The following NACC2 variants were observed in gnomAD, a reference collection of about 807,000 sequenced individuals.
NACC2 encodes the protein nucleus accumbens-associated protein 2.
Under a neutral mutation model 25.1 loss-of-function variants are expected in NACC2, and 8 were observed. The observed-to-expected ratio is 0.32, with a 90% CI of 0.19 to 0.57. The LOEUF is 0.57. NACC2 is among the 20% of genes least tolerant of loss of function. The pLI is 0.89. For synonymous variants in NACC2, 435 were observed against 294.7 expected, an observed-to-expected ratio of 1.48 and a Z score of -4.88; for missense variants, 644 against 650.2, an observed-to-expected ratio of 0.99 and a Z score of 0.10.
At chr9:136,046,895 A>G (rs1344327436) in intron 2 of NACC2, among the ~76,000 whole-genome samples, 1 of 152,182 alleles carries the variant, frequency 6.6e-6, no homozygotes, top group African/African-American at 2.4e-5. Context: ...ATTTTGACTT[A>G]TTTCAAAAAC....
chr9:136,080,877 C>A (rs1179817606), intron 1 of NACC2, among the ~76,000 whole-genome samples: 1 of 152,202 alleles, frequency 6.6e-6, no homozygotes, highest in Admixed American at 6.5e-5. Flanking sequence ...AGGCCCCCAG[C>A]AGAGCCGCCC....
Position 136,011,210 on chromosome 9 carries a change from G to C in NACC2, c.*306C>G, listed in dbSNP as rs925228571. On this transcript the variant is annotated 3_prime_UTR_variant, in exon 6 of 6. Coordinates refer to ENST00000277554, the MANE Select transcript of NACC2 (RefSeq NM_144653.5). The stretch of plus-strand genomic sequence containing the variant: ...GAAGGGGCAGGGCTGGGCACCAGGG[G>C]CCTGGCGGCCTCCCACCCTCCCCAA... 4 of 217,192 alleles carry C rather than the reference G, an allele frequency of 1.8e-5. No homozygotes were observed. The highest frequency in any genetic ancestry group is 9.1e-5 in the African/African-American group (4 of 43,776). 13.5% of individuals were successfully genotyped at this position (217,192 alleles called of 1,614,324 possible).
rs989676318 is a variant in NACC2 at position 136,022,207 on chromosome 9, G to A, written c.887-5778C>T. On this transcript the variant is annotated intron_variant, in intron 2 of 5. Transcript: ENST00000277554. The surrounding 1 kb of genome is among the most constrained non-coding windows in gnomAD (Gnocchi z 4.4). ...AGAGCAGGTGCACAGGGACCCAGGT[G>A]GAAATGGTGAGGGGCAATGTGGGGG... 2.0e-5 allele frequency among the ~76,000 whole-genome samples: 3 copies of A among 152,234 alleles called. No individual in the cohort carries two copies. Among genetic ancestry groups the A allele is most frequent in the Non-Finnish European group, 4.4e-5 (3 of 68,044 alleles).
intron 3 of NACC2, 84 bp from the exon 4 acceptor site, chr9:136,014,053 GGGGGAGGT>G: frequency 2.9e-6 from 2 of 682,356 alleles, no homozygotes; most frequent in Non-Finnish European, 4.6e-6. Context: ...GAGGGGGAGG[GGGGGAGGT>G]GGAGGGGGAG....
At chr9:136,023,044 G>GGGAAGGAGGGA (rs1564220569) in intron 2 of NACC2, among the ~76,000 whole-genome samples, 10 of 88,538 alleles carry the variant, frequency 1.1e-4, no homozygotes, top group Non-Finnish European at 2.0e-4. Flanking sequence ...GAAGGAGGGA[G>GGGAAGGAGGGA]GGAAGGAGGG....
intron 2 of NACC2, among the ~76,000 whole-genome samples, chr9:136,033,996 C>T (rs1455094595): frequency 2.6e-5 from 4 of 151,062 alleles, no homozygotes; most frequent in African/African-American, 4.9e-5. Flanking sequence ...AAATAGCCAA[C>T]GCAAGGCAAA....
In NACC2 at chr9:136,008,141, C is replaced by G. The variant is rs1301526981; in HGVS notation, c.*3375G>C. ...CAAAGTACAACAACCAAATCCAATG[C>G]AAAGTTAAGTGACGACAGAGAACTC... is the stretch of plus-strand genomic sequence containing the variant. On this transcript the variant is annotated 3_prime_UTR_variant, in exon 6 of 6. Coordinates refer to ENST00000277554, the MANE Select transcript of NACC2 (RefSeq NM_144653.5). 1 of 152,288 alleles carries G rather than the reference C, an allele frequency of 6.6e-6. No homozygotes were observed. Among genetic ancestry groups the G allele is most frequent in the Non-Finnish European group, 1.5e-5 (1 of 68,086 alleles). 9.4% of individuals were successfully genotyped at this position (152,288 alleles called of 1,614,324 possible).
At chr9:136,017,933 T>C (rs1840227260) in intron 2 of NACC2, among the ~76,000 whole-genome samples, 1 of 152,118 alleles carries the variant, frequency 6.6e-6, no homozygotes. Flanking sequence ...GAGAGGCCCT[T>C]GGGCCACCCG....
At chr9:136,033,975 G>A (rs919687299) in intron 2 of NACC2, among the ~76,000 whole-genome samples, 5 of 150,512 alleles carry the variant, frequency 3.3e-5, no homozygotes, top group Non-Finnish European at 7.4e-5. Flanking sequence ...AAAAGCATAT[G>A]AAAATGCAAA....
intron 1 of NACC2, among the ~76,000 whole-genome samples, chr9:136,089,772 T>TA (rs548007813): frequency 8.4e-6 from 1 of 118,470 alleles, no homozygotes; most frequent in East Asian, 2.0e-4. Flanking sequence ...TCTTAAAAGC[T>TA]TTTTTTTTTT....
chr9:136,061,896 G>C (rs186916179), intron 1 of NACC2, among the ~76,000 whole-genome samples: 232 of 146,210 alleles, frequency 1.6e-3, no homozygotes, highest in African/African-American at 5.2e-3. Context: ...AAGGCGGGCG[G>C]ATCACCTGAG....
chr9:136,022,581 T>G lies in NACC2; in HGVS notation c.887-6152A>C, dbSNP rs1413609206. On this transcript the variant is annotated intron_variant, in intron 2 of 5. Transcript: ENST00000277554. The surrounding 1 kb of genome is among the most constrained non-coding windows in gnomAD (Gnocchi z 4.4). ...GGGTGGGTCCATGGTCCCAGCTCGC[T>G]GCCTCCTGGCCAGTGAGCCTGTTCT... 6.6e-6 allele frequency among the ~76,000 whole-genome samples: 1 copy of G among 152,184 alleles called. No homozygotes were observed. Among genetic ancestry groups the G allele is most frequent in the Non-Finnish European group, 1.5e-5 (1 of 68,030 alleles).
intron 1 of NACC2, among the ~76,000 whole-genome samples, chr9:136,061,068 C>G (rs1841003897): frequency 6.6e-6 from 1 of 152,184 alleles, no homozygotes; most frequent in Non-Finnish European, 1.5e-5. Flanking sequence ...GACGGACGCC[C>G]CCTCAGTGGC....
chr9:136,051,304 A>T (rs925960181), intron 1 of NACC2, among the ~76,000 whole-genome samples: 3 of 152,124 alleles, frequency 2.0e-5, no homozygotes, highest in South Asian at 2.1e-4. Flanking sequence ...CAGGTTCCCA[A>T]GCCGCCGCCA....
At chr9:136,053,691 C>T (rs1840882704) in intron 1 of NACC2, among the ~76,000 whole-genome samples, 1 of 152,348 alleles carries the variant, frequency 6.6e-6, no homozygotes, top group African/African-American at 2.4e-5. Context: ...AGACCCACTG[C>T]GCCCACCACC....
chr9:136,059,646 G>A (rs1417094311), intron 1 of NACC2, among the ~76,000 whole-genome samples: 2 of 152,236 alleles, frequency 1.3e-5, no homozygotes, highest in Non-Finnish European at 2.9e-5. Context: ...CGCAGGGCCG[G>A]GACTTCCAGC....
chr9:136,060,083 C>T (rs1345219818), intron 1 of NACC2, among the ~76,000 whole-genome samples: 2 of 152,214 alleles, frequency 1.3e-5, no homozygotes, highest in African/African-American at 2.4e-5. Context: ...TGGCGGCATG[C>T]CCAGACCTAT....
At chr9:136,070,071 C>T (rs1456586055) in intron 1 of NACC2, among the ~76,000 whole-genome samples, 6 of 151,868 alleles carry the variant, frequency 4.0e-5, no homozygotes, top group Non-Finnish European at 8.8e-5. Context: ...ACTTCAAGAA[C>T]TTTACAAGAC....
chr9:136,063,694 C>T (rs1333685555), intron 1 of NACC2, among the ~76,000 whole-genome samples: 1 of 151,622 alleles, frequency 6.6e-6, no homozygotes, highest in Non-Finnish European at 1.5e-5. Flanking sequence ...ACCAGCCTGG[C>T]CAACAAAGTG....
Sources: gnomAD v4.1 joint callset for allele counts (sites outside exome capture counted in the v4.1 genomes callset) on GRCh38, gnomAD v4.1.1 for gene constraint, Gnocchi (gnomAD v3.1) non-coding constraint, MANE v1.5 for transcripts, NCBI Gene and HGNC (gene_info 2026-07-23, HGNC 2026-07-21) for gene names.